The following PCSK5 variants were observed in gnomAD, a reference collection of about 807,000 sequenced individuals.
PCSK5 encodes prohormone convertase 5.
PCSK5 carries 129 observed loss-of-function variants against 233.2 expected under a neutral mutation model. The observed-to-expected ratio is 0.55, with a 90% CI of 0.48 to 0.64. PCSK5 has a LOEUF of 0.64. Ranked by LOEUF, PCSK5 falls within the 30% of genes least tolerant of loss-of-function variation. The pLI is 0.00. For missense variants in PCSK5, 2,076 were observed against 2,430.1 expected, an observed-to-expected ratio of 0.85 and a Z score of 3.06; for synonymous variants, 825 against 879.2, an observed-to-expected ratio of 0.94 and a Z score of 1.09.
chr9:76,049,324 A>G (rs753353268), intron 5 of PCSK5, among the ~76,000 whole-genome samples: 4 of 152,220 alleles, frequency 2.6e-5, no homozygotes, highest in Non-Finnish European at 5.9e-5. Context: ...TAGGGATTAT[A>G]ATAAATTATA....
intron 5 of PCSK5, among the ~76,000 whole-genome samples, chr9:76,027,292 C>A (rs938415467): frequency 6.6e-6 from 1 of 152,062 alleles, no homozygotes; most frequent in Non-Finnish European, 1.5e-5. Context: ...TAAGAGATGA[C>A]CCCTCACGTG....
chr9:76,215,124 G>A (rs1472804100), intron 20 of PCSK5, among the ~76,000 whole-genome samples: 1 of 152,228 alleles, frequency 6.6e-6, no homozygotes, highest in Non-Finnish European at 1.5e-5. Context: ...CCCACAGGCA[G>A]CTTTTCCACA....
chr9:75,914,519 G>A lies in PCSK5; in HGVS notation c.193-17860G>A, dbSNP rs117422983. On this transcript the variant is annotated intron_variant, in intron 1 of 37. Coordinates refer to ENST00000674117, the MANE Select transcript of PCSK5 (RefSeq NM_001372043.1). ...AATGACCTAAAACCCAATGACCATT[G>A]GGTTTTAGAGTTGGGAGCAAGAATG... Among the ~76,000 whole-genome samples the A allele has an allele frequency of 9.2e-4, 140 of 152,094 alleles. 3 individuals are homozygous for A. In the East Asian group the frequency reaches 0.024, roughly 27 times the overall value.
At chr9:76,178,387 T>C (rs1823708143) in intron 14 of PCSK5, among the ~76,000 whole-genome samples, 1 of 152,228 alleles carries the variant, frequency 6.6e-6, no homozygotes, top group Non-Finnish European at 1.5e-5. Flanking sequence ...TTGCTACATC[T>C]AAGCAGGAAT....
intron 20 of PCSK5, among the ~76,000 whole-genome samples, chr9:76,215,924 G>T (rs565018867): frequency 6.6e-6 from 1 of 151,012 alleles, no homozygotes; most frequent in South Asian, 2.1e-4. Context: ...GGGTGACAAA[G>T]CATGATTCTG....
intron 13 of PCSK5, 74 bp from the exon 14 acceptor site, chr9:76,174,912 G>GA: frequency 7.3e-7 from 1 of 1,379,300 alleles, no homozygotes; most frequent in Non-Finnish European, 9.9e-7. Context: ...TCTTGAGTGA[G>GA]AAGGACTTAA....
At position 75,890,879 on chromosome 9, in the gene PCSK5, G is replaced by A. The variant is rs950305926; in HGVS notation, c.-303G>A. ...GCCAAGCCGGGCGAAACCCAACTGC[G>A]GAGGACGCCCGCCCCACTCAGCCTC... On this transcript the variant is annotated 5_prime_UTR_variant, in exon 1 of 38. Transcript: ENST00000674117. 2.9e-5 allele frequency: 9 copies of A among 308,626 alleles called. No homozygotes were observed. Among genetic ancestry groups the A allele is most frequent in the Middle Eastern group, 8.5e-4 (1 of 1,178 alleles). The allele number at this position is 308,626 out of a possible 1,614,324, so 19.1% of individuals were successfully genotyped here. A position where few individuals can be genotyped will look rare whatever the true frequency, so the allele number is the denominator to read the frequency against.
At chr9:76,302,751 C>T (rs189902085) in intron 28 of PCSK5, among the ~76,000 whole-genome samples, 179 of 152,096 alleles carry the variant, frequency 1.2e-3, no homozygotes, top group African/African-American at 4.0e-3. Context: ...GGTGATAAAC[C>T]GTGTGAATAG....
chr9:76,343,333 T>TTGTGTGTGTGTGTGTG (rs57513234), intron 35 of PCSK5, among the ~76,000 whole-genome samples: 12 of 133,810 alleles, frequency 9.0e-5, no homozygotes, highest in East Asian at 6.9e-4. Context: ...CCTGGGTAAT[T>TTGTGTGTGTGTGTGTG]TGTGTGTGTG....
chr9:76,359,247 T>G lies in PCSK5; in HGVS notation c.*325T>G, dbSNP rs1022232649. 3.9e-6 allele frequency: 1 copy of G among 255,166 alleles called. No individual in the cohort carries two copies. Among genetic ancestry groups the G allele is most frequent in the African/African-American group, 2.2e-5 (1 of 46,068 alleles). 15.8% of individuals were successfully genotyped at this position (255,166 alleles called of 1,614,324 possible). A position where few individuals can be genotyped will look rare whatever the true frequency, so the allele number is the denominator to read the frequency against. On this transcript the variant is annotated 3_prime_UTR_variant, in exon 38 of 38. Coordinates refer to ENST00000674117, the MANE Select transcript of PCSK5 (RefSeq NM_001372043.1). ...TTGTACAAACTCTTCTATGTGATTT[T>G]AAAAAAAGGACAGCAGATCTATAGA...
At position 76,023,756 on chromosome 9, in the gene PCSK5, C is replaced by T; in HGVS notation, c.430C>T (p.His144Tyr). 1.2e-5 allele frequency: 20 copies of T among 1,612,432 alleles called. No homozygotes were observed. The highest frequency in any genetic ancestry group is 1.6e-5 in the Non-Finnish European group (19 of 1,178,860). Residue 144 changes from histidine to tyrosine, a missense_variant, in exon 4 of 38, where the codon CAT becomes TAT. Around this residue, in one of 6 missense-constraint regions of PCSK5, gnomAD observed 190 missense variants for 216.3 expected, o/e 0.88. Coordinates refer to ENST00000674117, the MANE Select transcript of PCSK5 (RefSeq NM_001372043.1). ...MWYMHCSDNT[H>Y]PCQSDMNIEG... ...CTTTCAGCACTGCAGTGACAATACACATCCCTGCCAGTCTGACATGAATAT... is the reference window on the plus strand; with the variant it reads ...CTTTCAGCACTGCAGTGACAATACATATCCCTGCCAGTCTGACATGAATAT...
chr9:76,157,184 C>G (rs1445024176), intron 11 of PCSK5, 22 bp downstream of exon 11: 2 of 1,526,286 alleles, frequency 1.3e-6, no homozygotes, highest in Admixed American at 1.7e-5. Context: ...TGCCGGCAAA[C>G]AGCATGACAA....
intron 12 of PCSK5, among the ~76,000 whole-genome samples, chr9:76,166,309 T>A (rs996545526): frequency 2.6e-5 from 4 of 152,232 alleles, no homozygotes; most frequent in Non-Finnish European, 1.5e-5. Context: ...CTTAGCCACA[T>A]AGACAGAGCT....
chr9:75,906,328 C>T (rs62559217), intron 1 of PCSK5, among the ~76,000 whole-genome samples: 8,809 of 152,136 alleles, frequency 0.058, 380 homozygotes, highest in African/African-American at 0.11. Context: ...CGGGTTCAAG[C>T]AATTCTCCTG....
intron 1 of PCSK5, among the ~76,000 whole-genome samples, chr9:75,921,568 G>A (rs1564083068): frequency 6.7e-6 from 1 of 148,210 alleles, no homozygotes; most frequent in Non-Finnish European, 1.5e-5. Flanking sequence ...TATTTCGTTT[G>A]TGTGTGTGTG....
intron 2 of PCSK5, among the ~76,000 whole-genome samples, chr9:75,935,939 A>G (rs1043667319): frequency 6.6e-6 from 1 of 152,216 alleles, no homozygotes; most frequent in Non-Finnish European, 1.5e-5. Flanking sequence ...CTTTAAAATT[A>G]CTACAAGCAC....
At chr9:76,290,871 A>G (rs1244199743) in intron 24 of PCSK5, among the ~76,000 whole-genome samples, 3 of 152,244 alleles carry the variant, frequency 2.0e-5, no homozygotes, top group African/African-American at 4.8e-5. Context: ...GCTAGGCTCA[A>G]CTTCAGAATC....
At chr9:76,170,241 A>C (rs1823274926) in intron 13 of PCSK5, among the ~76,000 whole-genome samples, 1 of 152,230 alleles carries the variant, frequency 6.6e-6, no homozygotes, top group Admixed American at 6.5e-5. Context: ...CCCTAAATTT[A>C]CTTTTCAGTT....
At chr9:76,245,544 G>A (rs1039590518) in intron 24 of PCSK5, among the ~76,000 whole-genome samples, 1 of 152,116 alleles carries the variant, frequency 6.6e-6, no homozygotes, top group African/African-American at 2.4e-5. Flanking sequence ...TGTACTATAG[G>A]GGGTCTTTAT....
Sources: allele counts gnomAD v4.1 joint callset (sites outside exome capture counted in the v4.1 genomes callset), GRCh38; gene constraint gnomAD v4.1.1; regional missense constraint gnomAD v4.1.1; transcripts MANE v1.5; gene names NCBI Gene and HGNC (gene_info 2026-07-23, HGNC 2026-07-21).